The following RSPO2 variants were observed in gnomAD, a reference collection of about 807,000 sequenced individuals.
The protein encoded by RSPO2 is R-spondin-2.
RSPO2 carries 14 observed loss-of-function variants against 30.9 expected under a neutral mutation model. The ratio of observed to expected loss-of-function variants is 0.45; its 90% CI spans 0.30 to 0.71. RSPO2 has a LOEUF of 0.71. Among genes scored for constraint, RSPO2 ranks in the 30% least tolerant of loss-of-function variants. RSPO2 has a pLI of 0.08. For synonymous variants in RSPO2, 107 were observed against 96.4 expected (o/e 1.11, Z -0.64); for missense variants, 264 against 301.9 (o/e 0.87, Z 0.93).
chr8:108,005,573 G>A (rs183898597), intron 2 of RSPO2, among the ~76,000 whole-genome samples: 229 of 152,078 alleles, frequency 1.5e-3, no homozygotes, highest in Admixed American at 2.8e-3. Context: ...AAAGGTACTC[G>A]TGAATGTTAT....
intron 5 of RSPO2, among the ~76,000 whole-genome samples, chr8:107,911,841 G>T (rs945998705): frequency 1.3e-5 from 2 of 152,060 alleles, no homozygotes; most frequent in African/African-American, 4.8e-5. Flanking sequence ...AAATGCCTTT[G>T]ATCTCGTAAT....
intron 2 of RSPO2, among the ~76,000 whole-genome samples, chr8:107,998,169 C>G (rs894709799): frequency 6.6e-6 from 1 of 151,726 alleles, no homozygotes. Flanking sequence ...TCTTCTTAAC[C>G]TCAAGTTCAA....
At chr8:107,932,758 C>A (rs1159061632) in intron 5 of RSPO2, among the ~76,000 whole-genome samples, 1 of 151,958 alleles carries the variant, frequency 6.6e-6, no homozygotes, top group African/African-American at 2.4e-5. Context: ...ACATCATCTA[C>A]TGAAAAGAAA....
chr8:108,027,228 A>G (rs1444621507), intron 2 of RSPO2, among the ~76,000 whole-genome samples: 2 of 152,190 alleles, frequency 1.3e-5, no homozygotes, highest in East Asian at 1.9e-4. Context: ...AACATGTCAC[A>G]TTTTCCTCTT....
intron 5 of RSPO2, among the ~76,000 whole-genome samples, chr8:107,926,262 T>G (rs570333884): frequency 1.3e-5 from 2 of 152,316 alleles, no homozygotes; most frequent in South Asian, 2.1e-4. Context: ...GTTTTTTTCT[T>G]GTAAATTTGT....
At chr8:108,044,305 G>A (rs1811844811) in intron 2 of RSPO2, among the ~76,000 whole-genome samples, 1 of 152,072 alleles carries the variant, frequency 6.6e-6, no homozygotes, top group African/African-American at 2.4e-5. Context: ...ATTGTATGAT[G>A]CTGATGTTTG....
chr8:108,066,026 C>A (rs1352519187), intron 2 of RSPO2, among the ~76,000 whole-genome samples: 1 of 151,076 alleles, frequency 6.6e-6, no homozygotes, highest in African/African-American at 2.4e-5. Flanking sequence ...CTACAAAGAG[C>A]AAAACTCCAT....
intron 5 of RSPO2, among the ~76,000 whole-genome samples, chr8:107,920,445 T>TA (rs1812123370): frequency 6.6e-6 from 1 of 152,106 alleles, no homozygotes; most frequent in Admixed American, 6.6e-5. Context: ...AAGGAGCTTC[T>TA]AAAAACATGA....
chr8:108,043,866 A>C (rs191652726), intron 2 of RSPO2, among the ~76,000 whole-genome samples: 6 of 152,260 alleles, frequency 3.9e-5, no homozygotes, highest in African/African-American at 1.4e-4. Flanking sequence ...CATTGTCTTA[A>C]TGACCAGGAA....
At chr8:108,048,143 C>T (rs1811963851) in intron 2 of RSPO2, among the ~76,000 whole-genome samples, 1 of 152,030 alleles carries the variant, frequency 6.6e-6, no homozygotes, top group Admixed American at 6.6e-5. Context: ...AAAATTAAGG[C>T]CAAGAGAGGT....
intron 2 of RSPO2, among the ~76,000 whole-genome samples, chr8:108,050,877 A>C (rs950780006): frequency 6.6e-5 from 10 of 152,140 alleles, no homozygotes; most frequent in African/African-American, 2.2e-4. Flanking sequence ...GTTGGGGGGA[A>C]ATGTTGCTAA....
At chr8:108,003,420 T>C (rs568566120) in intron 2 of RSPO2, among the ~76,000 whole-genome samples, 1 of 149,338 alleles carries the variant, frequency 6.7e-6, no homozygotes, top group East Asian at 2.0e-4. Flanking sequence ...CTGGTGATCC[T>C]CTGGCCTCAG....
chr8:108,035,810 A>C (rs1811579433), intron 2 of RSPO2, among the ~76,000 whole-genome samples: 2 of 152,146 alleles, frequency 1.3e-5, no homozygotes, highest in African/African-American at 4.8e-5. Flanking sequence ...ATTGCCCCAG[A>C]AGAGACTGTT....
At chr8:108,042,433 T>C (rs1358339817) in intron 2 of RSPO2, among the ~76,000 whole-genome samples, 2 of 152,034 alleles carry the variant, frequency 1.3e-5, no homozygotes. Context: ...AATCCGGAGA[T>C]ATGAGACGAG....
chr8:107,985,500 T>C (rs543618748), intron 3 of RSPO2, among the ~76,000 whole-genome samples: 1 of 152,162 alleles, frequency 6.6e-6, no homozygotes, highest in African/African-American at 2.4e-5. Context: ...ATTAAACAAG[T>C]TACAAAACAC....
At chr8:108,004,977 T>C (rs1815404230) in intron 2 of RSPO2, among the ~76,000 whole-genome samples, 1 of 152,210 alleles carries the variant, frequency 6.6e-6, no homozygotes, top group African/African-American at 2.4e-5. Context: ...TAATGTATCA[T>C]ATTATGTTTG....
rs184192105 is a variant in RSPO2, at chr8:108,017,177, C to A, written c.95-27933G>T. 1.9e-3 allele frequency among the ~76,000 whole-genome samples: 292 copies of A among 152,096 alleles called. 1 individual carries two copies. The highest frequency in any genetic ancestry group is 6.5e-3 in the African/African-American group (268 of 41,492). On this transcript the variant is annotated intron_variant, in intron 2 of 5. Transcript: ENST00000276659. The stretch of plus-strand genomic sequence containing the variant: ...GACTACAGGCGCCCACCACCACACC[C>A]AGCTAATTTTTTTGTATTTTTAGTA...
intron 3 of RSPO2, among the ~76,000 whole-genome samples, chr8:107,986,947 A>T (rs537191096): frequency 2.0e-5 from 3 of 152,356 alleles, no homozygotes; most frequent in African/African-American, 7.2e-5. Context: ...ATGCCTTAAG[A>T]ACAAAATTCA....
chr8:108,058,708 T>C (rs1393068412), intron 2 of RSPO2, among the ~76,000 whole-genome samples: 1 of 151,776 alleles, frequency 6.6e-6, no homozygotes, highest in African/African-American at 2.4e-5. Context: ...TTTACAACTA[T>C]CTGATCTTTC....
Sources: gnomAD v4.1 joint callset for allele counts (sites outside exome capture counted in the v4.1 genomes callset) on GRCh38, gnomAD v4.1.1 for gene constraint, MANE v1.5 for transcripts, NCBI Gene and HGNC (gene_info 2026-07-23, HGNC 2026-07-21) for gene names.